ADAM22: variants seen among roughly 807,000 people sequenced by gnomAD.
ADAM22 encodes ADAM metallopeptidase domain 22.
A neutral mutation model predicts 144.6 loss-of-function variants in ADAM22; 65 were observed. The observed-to-expected ratio is 0.45, with a 90% CI of 0.37 to 0.55. The LOEUF (loss-of-function observed/expected upper bound fraction) is 0.55, where lower values mean the gene tolerates loss of function less well. Among genes scored for constraint, ADAM22 ranks in the 20% least tolerant of loss-of-function variants. The probability of loss-of-function intolerance (pLI) is 0.00; values close to 1 mark genes in which losing one functional copy is unlikely to be tolerated. For missense variants in ADAM22, 974 were observed against 1,184.9 expected, an observed-to-expected ratio of 0.82 and a Z score of 2.61; for synonymous variants, 391 against 412.6, an observed-to-expected ratio of 0.95 and a Z score of 0.63.
At chr7:88,051,314 G>A (rs374993049) in intron 3 of ADAM22, among the ~76,000 whole-genome samples, 4 of 152,132 alleles carry the variant, frequency 2.6e-5, no homozygotes, top group Non-Finnish European at 5.9e-5. Context: ...ATGTCCATCA[G>A]TGATAGACTG....
At chr7:88,110,005 G>A (rs1215712087) in intron 5 of ADAM22, among the ~76,000 whole-genome samples, 1 of 152,306 alleles carries the variant, frequency 6.6e-6, no homozygotes, top group African/African-American at 2.4e-5. Flanking sequence ...AAGAATATAA[G>A]TGTAAGTTAA....
intron 18 of ADAM22, 97 bp downstream of exon 18, chr7:88,149,154 T>TC: frequency 1.2e-6 from 1 of 805,186 alleles, no homozygotes; most frequent in Non-Finnish European, 2.0e-6. Flanking sequence ...AACAAGATGC[T>TC]CGTGTCTCTT....
chr7:88,157,635 G>GT (rs5885616), intron 22 of ADAM22, among the ~76,000 whole-genome samples: 44,111 of 151,986 alleles, frequency 0.29, 8,437 homozygotes, highest in East Asian at 0.54. Context: ...CAATCCCCAA[G>GT]TGATAGTGAG....
chr7:88,118,360 A>G (rs1227417982), intron 7 of ADAM22, among the ~76,000 whole-genome samples: 1 of 152,190 alleles, frequency 6.6e-6, no homozygotes, highest in African/African-American at 2.4e-5. Flanking sequence ...CCAGAGGGAT[A>G]GAAGATTTAA....
At chr7:88,051,846 AT>A (rs1806520570) in intron 3 of ADAM22, among the ~76,000 whole-genome samples, 1 of 151,714 alleles carries the variant, frequency 6.6e-6, no homozygotes, top group Non-Finnish European at 1.5e-5. Flanking sequence ...TACTAGACCC[AT>A]TGTGCCCACT....
At chr7:88,160,115 C>T (rs1352484318) in intron 22 of ADAM22, among the ~76,000 whole-genome samples, 1 of 152,078 alleles carries the variant, frequency 6.6e-6, no homozygotes, top group Non-Finnish European at 1.5e-5. Context: ...CAACAATAGC[C>T]AAGCTGAGGG....
At chr7:87,984,559 A>C (rs1313030915) in intron 3 of ADAM22, among the ~76,000 whole-genome samples, 2 of 152,188 alleles carry the variant, frequency 1.3e-5, no homozygotes, top group African/African-American at 2.4e-5. Context: ...GGGGTGTTTT[A>C]CCTTTATCCA....
At chr7:88,112,943 C>T (rs1409142782) in intron 5 of ADAM22, among the ~76,000 whole-genome samples, 1 of 152,090 alleles carries the variant, frequency 6.6e-6, no homozygotes, top group East Asian at 1.9e-4. Flanking sequence ...TGGTCTCAAA[C>T]TCCTGGCCTC....
chr7:88,099,411 A>G (rs887609371), intron 4 of ADAM22, among the ~76,000 whole-genome samples: 1 of 152,214 alleles, frequency 6.6e-6, no homozygotes, highest in Non-Finnish European at 1.5e-5. Flanking sequence ...TAACCTGAGC[A>G]CACAGTGCAT....
chr7:88,063,595 T>C (rs1810449195), intron 3 of ADAM22, among the ~76,000 whole-genome samples: 1 of 152,154 alleles, frequency 6.6e-6, no homozygotes, highest in Non-Finnish European at 1.5e-5. Flanking sequence ...AGGACAGGAA[T>C]TTCTAGATTG....
chr7:88,141,463 A>C (rs1308383714), intron 14 of ADAM22, among the ~76,000 whole-genome samples: 1 of 152,238 alleles, frequency 6.6e-6, no homozygotes, highest in South Asian at 2.1e-4. Context: ...GTTTAGAAGA[A>C]GTAGGGATAT....
At chr7:87,936,631 G>T (rs1330244700) in intron 2 of ADAM22, among the ~76,000 whole-genome samples, 1 of 151,682 alleles carries the variant, frequency 6.6e-6, no homozygotes, top group Non-Finnish European at 1.5e-5. Context: ...TCTCTATATT[G>T]TATTGAAGCA....
At chr7:88,154,172 G>T (rs1249583471) in intron 21 of ADAM22, among the ~76,000 whole-genome samples, 2 of 152,136 alleles carry the variant, frequency 1.3e-5, no homozygotes, top group African/African-American at 4.8e-5. Flanking sequence ...GTAATAATAA[G>T]CAGAATTAGA....
chr7:87,972,049 T>G (rs2129447424), intron 2 of ADAM22, among the ~76,000 whole-genome samples: 1 of 152,138 alleles, frequency 6.6e-6, no homozygotes, highest in South Asian at 2.1e-4. Flanking sequence ...CTGTCACCAC[T>G]CCTATTCAAC....
chr7:88,110,210 C>G (rs992173022), intron 5 of ADAM22, among the ~76,000 whole-genome samples: 1 of 152,152 alleles, frequency 6.6e-6, no homozygotes, highest in African/African-American at 2.4e-5. Context: ...GAAAAAGAAA[C>G]ATTGAAGTCC....
Position 88,198,325 on chromosome 7 carries a change from T to A in ADAM22, c.*1834T>A, listed in dbSNP as rs1053010055. The A allele has an allele frequency of 1.3e-5, 2 of 152,216 alleles. No individual in the cohort carries two copies. Among genetic ancestry groups the A allele is most frequent in the African/African-American group, 4.8e-5 (2 of 41,458 alleles). 9.4% of individuals were successfully genotyped at this position (152,216 alleles called of 1,614,324 possible). A position where few individuals can be genotyped will look rare whatever the true frequency, so the allele number is the denominator to read the frequency against. ...CTCTCTTTTGAAAGTCTTTGAAATG[T>A]TTGGAAAGCAATTTAATGATCCAAA... On this transcript the variant is annotated 3_prime_UTR_variant, in exon 32 of 32. Coordinates refer to ENST00000413139, the MANE Select transcript of ADAM22 (RefSeq NM_001324418.2).
intron 9 of ADAM22, among the ~76,000 whole-genome samples, chr7:88,129,775 T>G (rs9641023): frequency 0.57 from 85,908 of 151,816 alleles, 25,345 homozygotes; most frequent in East Asian, 0.9. Context: ...CTGCCTCTCA[T>G]TGTTTGCCAG....
At chr7:88,060,940 C>T (rs1283602912) in intron 3 of ADAM22, among the ~76,000 whole-genome samples, 1 of 151,786 alleles carries the variant, frequency 6.6e-6, no homozygotes, top group Non-Finnish European at 1.5e-5. Context: ...CCTGTCTCTA[C>T]TAAAAATACA....
intron 3 of ADAM22, among the ~76,000 whole-genome samples, chr7:87,992,472 AAAGAT>A (rs1473101062): frequency 6.6e-6 from 1 of 152,224 alleles, no homozygotes; most frequent in African/African-American, 2.4e-5. Flanking sequence ...CGTTTTTCAT[AAAGAT>A]AACTTTGATA....
Sources: gnomAD v4.1 joint callset for allele counts (sites outside exome capture counted in the v4.1 genomes callset) on GRCh38, gnomAD v4.1.1 for gene constraint, MANE v1.5 for transcripts, NCBI Gene and HGNC (gene_info 2026-07-23, HGNC 2026-07-21) for gene names.